GPLD1: variants seen among roughly 807,000 people sequenced by gnomAD.
GPLD1 encodes glycosylphosphatidylinositol specific phospholipase D1.
Under a neutral mutation model 112.6 loss-of-function variants are expected in GPLD1, and 84 were observed. The ratio of observed to expected loss-of-function variants is 0.75; its 90% confidence interval spans 0.63 to 0.89. The LOEUF (loss-of-function observed/expected upper bound fraction) is 0.89. GPLD1 is among the 40% of genes least tolerant of loss of function. The pLI is 0.00. For missense variants in GPLD1, 1,044 were observed against 1,051.5 expected (o/e 0.99, Z 0.10); for synonymous variants, 386 against 403.8 (o/e 0.96, Z 0.53).
At chr6:24,425,515 T>C (rs1277381785), downstream of GPLD1, 1 of 152,222 alleles carries the variant, frequency 6.6e-6, no homozygotes, top group Non-Finnish European at 1.5e-5. Flanking sequence ...ATCAACTAGT[T>C]CCACTTTTGT....
chr6:24,495,239 G>T, upstream of GPLD1: 2 of 1,524,080 alleles, frequency 1.3e-6, no homozygotes, highest in South Asian at 2.4e-5. Flanking sequence ...TGCAAGACCC[G>T]GCCAGCGGCG....
intron 11 of GPLD1, among the ~76,000 whole-genome samples, chr6:24,460,716 G>C (rs1347439513): frequency 6.6e-6 from 1 of 151,534 alleles, no homozygotes; most frequent in African/African-American, 2.4e-5. Flanking sequence ...AGCTGGTGGG[G>C]AAACTGCTTT....
intron 24 of GPLD1, among the ~76,000 whole-genome samples, chr6:24,431,455 G>C (rs1762401508): frequency 6.6e-6 from 1 of 151,830 alleles, no homozygotes; most frequent in African/African-American, 2.4e-5. Flanking sequence ...CAGGGACTCT[G>C]CCCTCTCTGT....
At chr6:24,441,419 G>A (rs915966438) in intron 20 of GPLD1, among the ~76,000 whole-genome samples, 1 of 152,104 alleles carries the variant, frequency 6.6e-6, no homozygotes, top group Non-Finnish European at 1.5e-5. Flanking sequence ...CAAAGATGCT[G>A]TAGATATTTT....
At chr6:24,443,916 C>T (rs1162576703) in intron 20 of GPLD1, among the ~76,000 whole-genome samples, 2 of 152,100 alleles carry the variant, frequency 1.3e-5, no homozygotes, top group Admixed American at 6.5e-5. Flanking sequence ...TCAACTGATC[C>T]ACCCACCTCT....
chr6:24,482,097 ATTTTTTT>A lies in GPLD1; in HGVS notation c.154-2145_154-2139del, dbSNP rs66567770. On this transcript the variant is annotated intron_variant, in intron 2 of 24. Transcript: ENST00000230036. The stretch of plus-strand genomic sequence containing the variant: ...TTCAGATATTAAAATGTATTTTTGG[ATTTTTTT>A]TTTTTTTTTTTTTTGAGATGGAGTC... Among the ~76,000 whole-genome samples, 4 of 103,210 alleles carry A rather than the reference ATTTTTTT, an allele frequency of 3.9e-5. No individual in the cohort carries two copies. The East Asian group carries it at 1.1e-3, about 27-fold the overall frequency. 67.7% of individuals were successfully genotyped at this position (103,210 alleles called of 152,430 possible).
upstream of GPLD1, among the ~76,000 whole-genome samples, chr6:24,491,026 T>C (rs148076509): frequency 1.3e-4 from 20 of 152,334 alleles, no homozygotes; most frequent in African/African-American, 4.1e-4. Context: ...CGTAGAAATC[T>C]AGATTTCTGG....
Position 24,447,973 on chromosome 6 carries a change from G to T in GPLD1, c.1582C>A (p.Pro528Thr). 7 of 1,613,682 alleles carry T rather than the reference G, an allele frequency of 4.3e-6. No individual in the cohort carries two copies. Among genetic ancestry groups the T allele is most frequent in the Non-Finnish European group, 5.9e-6 (7 of 1,179,934 alleles). Residue 528 changes from proline (P) to threonine (T), a missense_variant, in exon 17 of 25, where the codon CCC becomes ACC. Physicochemically the swap from Pro to Thr is conservative, Grantham distance 38. Coordinates refer to ENST00000230036, the MANE Select transcript of GPLD1 (RefSeq NM_001503.4). ...LAADVNGDSEPDLVIGSPFAP... is the reference protein window; with the variant it reads ...LAADVNGDSETDLVIGSPFAP... The stretch of plus-strand genomic sequence containing the variant: ...AAAGGGGAGCCGATGACCAGATCGG[G>T]TTCACTGTCTCCATTCACATCTGCA...
intron 7 of GPLD1, 111 bp from the exon 8 acceptor site, chr6:24,467,385 G>T: frequency 1.5e-6 from 1 of 678,780 alleles, no homozygotes; most frequent in South Asian, 1.7e-5. Context: ...CAGGCACCAT[G>T]TAAAAGTCTT....
intron 7 of GPLD1, 54 bp from the exon 8 acceptor site, chr6:24,467,328 TAAC>T (rs1239668798): frequency 9.5e-6 from 9 of 952,128 alleles, no homozygotes; most frequent in Middle Eastern, 2.1e-4. Flanking sequence ...CTGAAAATAG[TAAC>T]AACAGCAGCA....
At chr6:24,474,404 T>C (rs1488318734) in intron 5 of GPLD1, among the ~76,000 whole-genome samples, 2 of 152,164 alleles carry the variant, frequency 1.3e-5, no homozygotes, top group Non-Finnish European at 2.9e-5. Flanking sequence ...TTTGAGGACA[T>C]GGCATTTTCA....
intron 20 of GPLD1, 34 bp downstream of exon 20, chr6:24,445,512 G>A: frequency 7.0e-7 from 1 of 1,437,834 alleles, no homozygotes; most frequent in Non-Finnish European, 9.8e-7. Context: ...CCACATGACT[G>A]AAAGGAAGCA....
chr6:24,445,471 C>T (rs1762879976), intron 20 of GPLD1, 75 bp downstream of exon 20: 2 of 927,064 alleles, frequency 2.2e-6, no homozygotes, highest in Admixed American at 1.8e-5. Flanking sequence ...CAGATCTCAT[C>T]ACTTTCCTCC....
At chr6:24,461,929 T>G (rs1414315853) in intron 11 of GPLD1, among the ~76,000 whole-genome samples, 1 of 152,192 alleles carries the variant, frequency 6.6e-6, no homozygotes, top group African/African-American at 2.4e-5. Context: ...TAATAACTTA[T>G]TAAATGAATG....
At chr6:24,465,124 G>T (rs771160882) in intron 10 of GPLD1, among the ~76,000 whole-genome samples, 1 of 149,684 alleles carries the variant, frequency 6.7e-6, no homozygotes, top group Non-Finnish European at 1.5e-5. Context: ...TTGAACCCAG[G>T]AGGTGGAGGT....
At chr6:24,425,300 C>G (rs985725260), downstream of GPLD1, 11 of 152,166 alleles carry the variant, frequency 7.2e-5, no homozygotes, top group African/African-American at 2.4e-4. Context: ...TTTGATTTGA[C>G]TAAGATCAGG....
intron 2 of GPLD1, among the ~76,000 whole-genome samples, chr6:24,484,234 T>A (rs1301410125): frequency 1.3e-5 from 2 of 150,128 alleles, no homozygotes; most frequent in Non-Finnish European, 3.0e-5. Context: ...TTTTTTGAGA[T>A]GAGGCCTTGC....
intron 20 of GPLD1, among the ~76,000 whole-genome samples, chr6:24,442,601 C>T (rs1032222720): frequency 6.6e-6 from 1 of 151,814 alleles, no homozygotes. Context: ...CCCACCACCA[C>T]GCCCAGCTAA....
Position 24,456,489 on chromosome 6 carries a change from T to G in GPLD1, c.1148+9A>C. 2 of 1,576,988 alleles carry G rather than the reference T, an allele frequency of 1.3e-6. No homozygotes were observed. Among genetic ancestry groups the G allele is most frequent in the Non-Finnish European group, 1.7e-6 (2 of 1,156,002 alleles). ...AAAACATTCACAAGTTAGATAAACT[T>G]ATACGTACCAGCCAAGCCTCGCATA... On this transcript the variant is annotated intron_variant, in intron 13 of 24. Transcript: ENST00000230036.
Sources: allele counts gnomAD v4.1 joint callset (sites outside exome capture counted in the v4.1 genomes callset), GRCh38; gene constraint gnomAD v4.1.1; transcripts MANE v1.5; gene names NCBI Gene and HGNC (gene_info 2026-07-23, HGNC 2026-07-21).